RAPGEF2: variants seen among roughly 807,000 people sequenced by gnomAD.
RAPGEF2 encodes Rap guanine nucleotide exchange factor 2.
RAPGEF2 carries 54 observed loss-of-function variants against 186.7 expected under a neutral mutation model. The observed-to-expected ratio is 0.29, with a 90% CI of 0.23 to 0.36. The LOEUF is 0.36. Ranked by LOEUF, RAPGEF2 falls within the 10% of genes least tolerant of loss-of-function variation. The pLI is 1.00. For missense variants in RAPGEF2, 1,532 were observed against 2,045.0 expected (o/e 0.75, Z 4.84); for synonymous variants, 712 against 705.9 (o/e 1.01, Z -0.14).
chr4:159,184,434 C>T (rs1747349278), intron 1 of RAPGEF2, among the ~76,000 whole-genome samples: 1 of 152,216 alleles, frequency 6.6e-6, no homozygotes, highest in South Asian at 2.1e-4. Context: ...GATCACCATT[C>T]TAACTGGTGT....
chr4:159,169,583 G>A (rs1745683630), intron 1 of RAPGEF2, among the ~76,000 whole-genome samples: 2 of 150,528 alleles, frequency 1.3e-5, no homozygotes, highest in Non-Finnish European at 3.0e-5. Context: ...CTCCCCAACA[G>A]CCCCCCCTCC....
At position 159,188,750 on chromosome 4, in the gene RAPGEF2, G is replaced by A. The variant is rs187956764; in HGVS notation, c.140+2038G>A. ...ACACCCATCAGCCAGTTTCAGAACT[G>A]TCAACTTTCTGCAGCTGCAGAAGTA... On this transcript the variant is annotated intron_variant, in intron 2 of 29. Transcript: ENST00000691494. Among the ~76,000 whole-genome samples the A allele has an allele frequency of 9.1e-4, 139 of 152,124 alleles. 3 individuals carry two copies. In the East Asian group the frequency reaches 0.019, roughly 21 times the overall value.
At chr4:159,332,891 C>T in intron 17 of RAPGEF2, 194 bp downstream of exon 17, 2 of 494,380 alleles carry the variant, frequency 4.0e-6, no homozygotes, top group East Asian at 6.7e-5. Flanking sequence ...TACTCCCAAT[C>T]TTCTTTAAAG....
In RAPGEF2 at chr4:159,291,143, G is replaced by A. The variant is rs146091890; in HGVS notation, c.544-13199G>A. Among the ~76,000 whole-genome samples, 16 of 152,184 alleles carry A rather than the reference G, an allele frequency of 1.1e-4. No individual in the cohort carries two copies. In the East Asian group the frequency reaches 1.9e-3, roughly 18 times the overall value. On this transcript the variant is annotated intron_variant, in intron 7 of 29. Transcript: ENST00000691494. Reference sequence around the variant, plus strand: ...ATTGTCTAGCTCAGTTGTAATACCCGTCACTAGAAAAGGAGTACCTGTGGT... The same window carrying A: ...ATTGTCTAGCTCAGTTGTAATACCCATCACTAGAAAAGGAGTACCTGTGGT...
intron 1 of RAPGEF2, among the ~76,000 whole-genome samples, chr4:159,125,487 G>T (rs541664122): frequency 6.6e-6 from 1 of 152,152 alleles, no homozygotes; most frequent in African/African-American, 2.4e-5. Flanking sequence ...GGCTGGGCGC[G>T]GTGGCTCACA....
rs1010189184 is a variant in RAPGEF2, at chr4:159,353,883, A to G, written c.4488A>G (p.Glu1496=). The G allele has an allele frequency of 6.2e-7, 1 of 1,614,106 alleles. No homozygotes were observed. The highest frequency in any genetic ancestry group is 1.3e-5 in the African/African-American group (1 of 74,956). ...SWASSTGYWG[E]DSEGDTGTIK... ...CGTCTTCCACAGGTTACTGGGGAGA[A>G]GACTCAGAAGGTGACACAGGCACAA... The change falls in exon 28 of 30, where the codon GAA becomes GAG. Residue 1496 remains glutamate, a synonymous_variant. Coordinates refer to ENST00000691494, the MANE Select transcript of RAPGEF2 (RefSeq NM_001394067.2). This position sits in a 1 kb window ranked among gnomAD's most constrained non-coding sequence, Gnocchi z 4.3.
At chr4:159,135,275 G>A (rs1181946262) in intron 1 of RAPGEF2, among the ~76,000 whole-genome samples, 2 of 152,032 alleles carry the variant, frequency 1.3e-5, no homozygotes, top group South Asian at 4.1e-4. Context: ...CGAACTTCTG[G>A]GCTCAAGCAG....
intron 7 of RAPGEF2, chr4:159,268,088 G>T (rs1757652263): frequency 1.3e-6 from 2 of 1,592,242 alleles, no homozygotes; most frequent in African/African-American, 1.4e-5. Flanking sequence ...ATGCTGTAGA[G>T]GGTGACTTGC....
At chr4:159,169,184 C>CG (rs1745640453) in intron 1 of RAPGEF2, among the ~76,000 whole-genome samples, 1 of 152,014 alleles carries the variant, frequency 6.6e-6, no homozygotes, top group South Asian at 2.1e-4. Context: ...TGGAACCCCC[C>CG]TCAACTCCCA....
At chr4:159,157,997 C>T (rs567011182) in intron 1 of RAPGEF2, among the ~76,000 whole-genome samples, 1 of 152,038 alleles carries the variant, frequency 6.6e-6, no homozygotes, top group Non-Finnish European at 1.5e-5. Context: ...GTGGGGCTAG[C>T]AGATGGTGCC....
At chr4:159,142,751 G>A (rs910373071) in intron 1 of RAPGEF2, among the ~76,000 whole-genome samples, 9 of 152,072 alleles carry the variant, frequency 5.9e-5, no homozygotes, top group Admixed American at 5.2e-4. Context: ...AATAGTATGA[G>A]TAACAAATAT....
chr4:159,240,806 G>GGTT (rs1753890931), intron 5 of RAPGEF2, among the ~76,000 whole-genome samples: 1 of 145,812 alleles, frequency 6.9e-6, no homozygotes, highest in African/African-American at 2.7e-5. Flanking sequence ...TTTCCATCAG[G>GGTT]GTTTTTTTTT....
Position 159,331,546 on chromosome 4 carries a change from T to G in RAPGEF2, c.1575+8T>G, listed in dbSNP as rs1223738706. 6.2e-7 allele frequency: 1 copy of G among 1,611,322 alleles called. No individual in the cohort carries two copies. Among genetic ancestry groups the G allele is most frequent in the East Asian group, 2.2e-5 (1 of 44,846 alleles). On this transcript the variant is annotated splice_region_variant and intron_variant, in intron 14 of 29. Coordinates refer to ENST00000691494, the MANE Select transcript of RAPGEF2 (RefSeq NM_001394067.2). ...AACAATCTGGAAAGAGAGGTAATAT[T>G]TGTGGTTTTTTTTAAGATCAGCTTA...
chr4:159,252,610 ATTAAC>A lies in RAPGEF2; in HGVS notation c.543+8822_543+8826del, dbSNP rs548549167. On this transcript the variant is annotated intron_variant, in intron 7 of 29. Transcript: ENST00000691494. ...TATAAACTTTTGCCTAAATTTTAGT[ATTAAC>A]TTTGGTTAGACTGAAAGAGCAGCCA... Among the ~76,000 whole-genome samples, 415 of 152,346 alleles carry A rather than the reference ATTAAC, an allele frequency of 2.7e-3. 3 individuals are homozygous for A. Among genetic ancestry groups the A allele is most frequent in the African/African-American group, 9.5e-3 (395 of 41,580 alleles).
chr4:159,160,111 A>G (rs1462950703), intron 1 of RAPGEF2, among the ~76,000 whole-genome samples: 1 of 152,242 alleles, frequency 6.6e-6, no homozygotes, highest in East Asian at 1.9e-4. Context: ...CAACATTTCT[A>G]GTTGTGCAAA....
At chr4:159,202,436 ACCC>A (rs1418544468) in intron 3 of RAPGEF2, among the ~76,000 whole-genome samples, 4 of 150,358 alleles carry the variant, frequency 2.7e-5, no homozygotes, top group African/African-American at 9.8e-5. Context: ...ACTCCCGAAA[ACCC>A]CCCAAAACTT....
intron 7 of RAPGEF2, among the ~76,000 whole-genome samples, chr4:159,279,182 A>G (rs1759345527): frequency 6.6e-6 from 1 of 152,242 alleles, no homozygotes; most frequent in African/African-American, 2.4e-5. Flanking sequence ...ACAATAATGT[A>G]AGAGTGCTGC....
intron 7 of RAPGEF2, among the ~76,000 whole-genome samples, chr4:159,290,967 C>A (rs66492380): frequency 0.19 from 28,416 of 152,140 alleles, 2,800 homozygotes; most frequent in Admixed American, 0.24. Context: ...AAATTAAATT[C>A]TTATCATTGA....
chr4:159,275,886 TTTACTCTG>T (rs1392627472), intron 7 of RAPGEF2, among the ~76,000 whole-genome samples: 4 of 152,268 alleles, frequency 2.6e-5, no homozygotes, highest in African/African-American at 9.6e-5. Flanking sequence ...CCCAGACACT[TTTACTCTG>T]TGAAGTATTT....
Sources: gnomAD v4.1 joint callset for allele counts (sites outside exome capture counted in the v4.1 genomes callset) on GRCh38, gnomAD v4.1.1 for gene constraint, Gnocchi (gnomAD v3.1) non-coding constraint, MANE v1.5 for transcripts, NCBI Gene and HGNC (gene_info 2026-07-23, HGNC 2026-07-21) for gene names.